The following NRXN3 variants were observed in gnomAD, a reference collection of about 807,000 sequenced individuals.
NRXN3 encodes neurexin III.
A neutral mutation model predicts 137.6 loss-of-function variants in NRXN3; 32 were observed. The ratio of observed to expected loss-of-function variants is 0.23; its 90% CI spans 0.18 to 0.31. The LOEUF (loss-of-function observed/expected upper bound fraction) is 0.31, where lower values mean the gene tolerates loss of function less well. Ranked by LOEUF, NRXN3 falls within the 10% of genes least tolerant of loss-of-function variation. The pLI is 1.00. For missense variants in NRXN3, 1,574 were observed against 2,062.5 expected (o/e 0.76, Z 4.59); for synonymous variants, 798 against 784.5 (o/e 1.02, Z -0.29).
chr14:78,901,052 C>T (rs970534218), intron 10 of NRXN3, among the ~76,000 whole-genome samples: 1 of 151,954 alleles, frequency 6.6e-6, no homozygotes, highest in African/African-American at 2.4e-5. Context: ...ATATTCCATC[C>T]CTTTTCTCAC....
chr14:79,854,549 G>T (rs1252839866), intron 20 of NRXN3, among the ~76,000 whole-genome samples: 2 of 152,128 alleles, frequency 1.3e-5, no homozygotes, highest in Admixed American at 6.6e-5. Context: ...GTAGAAGGGG[G>T]TTAATACATT....
chr14:79,857,019 T>G (rs963620189), intron 20 of NRXN3, among the ~76,000 whole-genome samples: 10 of 152,212 alleles, frequency 6.6e-5, no homozygotes, highest in African/African-American at 2.4e-4. Context: ...TTTGTATTAC[T>G]CTGCTCATAA....
intron 4 of NRXN3, among the ~76,000 whole-genome samples, chr14:78,369,090 T>G (rs1043939460): frequency 6.6e-6 from 1 of 152,182 alleles, no homozygotes; most frequent in Non-Finnish European, 1.5e-5. Flanking sequence ...TCGCTTAATA[T>G]GGGCATCTAA....
intron 11 of NRXN3, among the ~76,000 whole-genome samples, chr14:78,957,891 T>C (rs2099399951): frequency 6.6e-6 from 1 of 152,216 alleles, no homozygotes; most frequent in Non-Finnish European, 1.5e-5. Flanking sequence ...CTACACACCA[T>C]TTTACAAGGC....
intron 15 of NRXN3, among the ~76,000 whole-genome samples, chr14:79,220,405 G>A (rs1055719029): frequency 6.6e-6 from 1 of 152,162 alleles, no homozygotes; most frequent in Non-Finnish European, 1.5e-5. Flanking sequence ...CCCATCAGGA[G>A]CATTCCATGC....
At chr14:78,501,597 G>T (rs977250201) in intron 4 of NRXN3, among the ~76,000 whole-genome samples, 1 of 152,144 alleles carries the variant, frequency 6.6e-6, no homozygotes, top group South Asian at 2.1e-4. Flanking sequence ...TTATACTTGG[G>T]CACAAATACT....
intron 20 of NRXN3, among the ~76,000 whole-genome samples, chr14:79,806,115 G>C (rs1307833596): frequency 2.6e-5 from 4 of 152,118 alleles, no homozygotes; most frequent in African/African-American, 9.7e-5. Context: ...AGAATTAATA[G>C]CTGGAGTTGG....
At chr14:78,871,931 G>A (rs2099102284) in intron 10 of NRXN3, among the ~76,000 whole-genome samples, 1 of 151,866 alleles carries the variant, frequency 6.6e-6, no homozygotes, top group Admixed American at 6.6e-5. Flanking sequence ...TTATGTCTCT[G>A]TTAGATTATC....
intron 16 of NRXN3, among the ~76,000 whole-genome samples, chr14:79,627,607 G>A (rs181816060): frequency 2.0e-5 from 3 of 152,116 alleles, no homozygotes; most frequent in Non-Finnish European, 2.9e-5. Context: ...CATTCTTCTC[G>A]GTATCAGTTT....
intron 16 of NRXN3, among the ~76,000 whole-genome samples, chr14:79,509,379 C>T (rs897544600): frequency 5.3e-5 from 8 of 151,838 alleles, no homozygotes; most frequent in Admixed American, 5.2e-4. Context: ...AGCCAGGCAT[C>T]ATGGCGTGTG....
intron 10 of NRXN3, among the ~76,000 whole-genome samples, chr14:78,836,451 C>T (rs1596350263): frequency 6.6e-6 from 1 of 152,232 alleles, no homozygotes; most frequent in East Asian, 1.9e-4. Context: ...GTAGTTTCCT[C>T]AGCTCCATGC....
At chr14:78,487,433 C>T (rs373716863) in intron 4 of NRXN3, among the ~76,000 whole-genome samples, 8 of 152,178 alleles carry the variant, frequency 5.3e-5, no homozygotes, top group African/African-American at 1.9e-4. Context: ...GTATTTTTGT[C>T]CATTTTGCCT....
intron 15 of NRXN3, among the ~76,000 whole-genome samples, chr14:79,006,178 C>T (rs1598440079): frequency 6.6e-6 from 1 of 152,270 alleles, no homozygotes; most frequent in South Asian, 2.1e-4. Flanking sequence ...GATTGTAAGC[C>T]TTTCTGAGAG....
At chr14:79,001,560 G>T (rs757417273) in intron 15 of NRXN3, among the ~76,000 whole-genome samples, 1 of 152,286 alleles carries the variant, frequency 6.6e-6, no homozygotes, top group African/African-American at 2.4e-5. Flanking sequence ...CCTGGAAGGC[G>T]CTCTTCTCTG....
intron 8 of NRXN3, among the ~76,000 whole-genome samples, chr14:78,797,807 CTCT>C (rs2098826612): frequency 1.3e-5 from 2 of 152,076 alleles, no homozygotes; most frequent in Admixed American, 1.3e-4. Context: ...TAAAAGGCAC[CTCT>C]TACATGGTGG....
chr14:79,529,980 C>T (rs968778072), intron 16 of NRXN3, among the ~76,000 whole-genome samples: 2 of 152,162 alleles, frequency 1.3e-5, no homozygotes, highest in Admixed American at 1.3e-4. Context: ...CTGTTGATCC[C>T]ATTTTGCTTT....
chr14:78,943,621 AATATATATATATATATATATATATAT>A (rs60429358), intron 10 of NRXN3, among the ~76,000 whole-genome samples: 1,210 of 27,888 alleles, frequency 0.043, 73 homozygotes, highest in Non-Finnish European at 0.056. Flanking sequence ...AAAAAAAAAA[AATATATATATATATATATATATATAT>A]ATATATATAT....
intron 5 of NRXN3, among the ~76,000 whole-genome samples, chr14:78,649,588 T>C (rs540785932): frequency 6.6e-6 from 1 of 150,948 alleles, no homozygotes; most frequent in Admixed American, 6.6e-5. Flanking sequence ...TTTAAATCTC[T>C]ATTTGGCTAA....
intron 10 of NRXN3, among the ~76,000 whole-genome samples, chr14:78,911,224 A>G (rs1047832061): frequency 6.6e-6 from 1 of 152,184 alleles, no homozygotes; most frequent in African/African-American, 2.4e-5. Context: ...CTGAGGTACA[A>G]TGAGGGCTGG....
Sources: allele counts gnomAD v4.1 joint callset (sites outside exome capture counted in the v4.1 genomes callset), GRCh38; gene constraint gnomAD v4.1.1; transcripts MANE v1.5; gene names NCBI Gene and HGNC (gene_info 2026-07-23, HGNC 2026-07-21).